The following NAA11 variants were observed in gnomAD, a reference collection of about 807,000 sequenced individuals.
NAA11 encodes the protein N-alpha-acetyltransferase 11, NatA catalytic subunit, also known as N-alpha-acetyltransferase 11.
NAA11 carries 15 observed loss-of-function variants against 16.1 expected under a neutral mutation model. The observed-to-expected ratio is 0.93, with a 90% CI of 0.62 to 1.44. The LOEUF is 1.44. NAA11 is among the 40% of genes most tolerant of loss of function. The pLI is 0.00. For missense variants in NAA11, 298 were observed against 291.3 expected (o/e 1.02, Z -0.17); for synonymous variants, 122 against 112.4 (o/e 1.09, Z -0.54).
intron 2 of NAA11, among the ~76,000 whole-genome samples, chr4:79,247,011 G>A (rs1053396632): frequency 6.6e-6 from 1 of 152,206 alleles, no homozygotes; most frequent in Non-Finnish European, 1.5e-5. Context: ...AGCTGGAGTT[G>A]TAAGTCAAGT....
At chr4:79,296,103 T>C (rs973873565) in intron 1 of NAA11, among the ~76,000 whole-genome samples, 1 of 152,234 alleles carries the variant, frequency 6.6e-6, no homozygotes, top group Non-Finnish European at 1.5e-5. Context: ...ATTACTTCAT[T>C]CTGTGTAATT....
intron 2 of NAA11, among the ~76,000 whole-genome samples, chr4:79,277,503 A>T (rs1020844183): frequency 4.6e-5 from 7 of 152,026 alleles, no homozygotes; most frequent in African/African-American, 7.2e-5. Context: ...TGAATTCTAA[A>T]TTTCTTTTCA....
chr4:79,275,536 G>A (rs1722628920), intron 2 of NAA11, among the ~76,000 whole-genome samples: 1 of 152,040 alleles, frequency 6.6e-6, no homozygotes, highest in African/African-American at 2.4e-5. Context: ...AATGTATAAT[G>A]AGTTCTTCCT....
chr4:79,249,538 GA>G (rs1203266043), intron 2 of NAA11, among the ~76,000 whole-genome samples: 10 of 152,058 alleles, frequency 6.6e-5, no homozygotes. Context: ...CCGGCTCTCT[GA>G]AATAACACAG....
chr4:79,265,528 A>C (rs1326025679), intron 2 of NAA11, among the ~76,000 whole-genome samples: 1 of 152,058 alleles, frequency 6.6e-6, no homozygotes, highest in South Asian at 2.1e-4. Context: ...GCTTACACCT[A>C]TGGGGTATCT....
At chr4:79,273,029 G>C (rs1404170032) in intron 2 of NAA11, among the ~76,000 whole-genome samples, 1 of 151,930 alleles carries the variant, frequency 6.6e-6, no homozygotes, top group African/African-American at 2.4e-5. Context: ...CCCTCAAAGA[G>C]AGAGTTCCAA....
chr4:79,215,772 A>C, the NAA11 span, among the ~76,000 whole-genome samples: 6 of 152,344 alleles, frequency 3.9e-5, no homozygotes, highest in Admixed American at 2.0e-4. Flanking sequence ...CCAAGTAGTC[A>C]AGAACTATAA....
At chr4:79,281,433 A>G (rs920169941) in intron 2 of NAA11, among the ~76,000 whole-genome samples, 1 of 152,036 alleles carries the variant, frequency 6.6e-6, no homozygotes, top group East Asian at 1.9e-4. Flanking sequence ...TTAATTACTT[A>G]GCTAGTAATT....
Position 79,243,754 on chromosome 4 carries a change from G to T in NAA11, c.*123-17484C>A, listed in dbSNP as rs540791365. 8.5e-5 allele frequency among the ~76,000 whole-genome samples: 13 copies of T among 152,278 alleles called. 1 individual carries two copies. The East Asian group carries it at 2.5e-3, about 29-fold the overall frequency. On this transcript the variant is annotated intron_variant and NMD_transcript_variant, in intron 2 of 2. Coordinates refer to the NAA11 transcript ENST00000511542. ...GAGATCGAAGCAAGTTTCAGAGCAG[G>T]AGTGGAAGTTTATTTAAAAGGCCTT...
intron 2 of NAA11, among the ~76,000 whole-genome samples, chr4:79,248,393 C>T (rs372002524): frequency 3.9e-5 from 6 of 152,128 alleles, no homozygotes; most frequent in Non-Finnish European, 8.8e-5. Context: ...CTTCCCTTCC[C>T]CTACCACTGG....
intron 2 of NAA11, among the ~76,000 whole-genome samples, chr4:79,276,501 T>G (rs1306522807): frequency 1.3e-5 from 2 of 152,116 alleles, no homozygotes; most frequent in African/African-American, 4.8e-5. Context: ...ACTTTGTGTC[T>G]CCCATGACAG....
At chr4:79,226,562 A>T (rs1001837974) in intron 2 of NAA11, among the ~76,000 whole-genome samples, 8 of 145,842 alleles carry the variant, frequency 5.5e-5, no homozygotes, top group Non-Finnish European at 1.2e-4. Context: ...ATATCTCCTA[A>T]TGCTATCCCT....
At chr4:79,237,313 A>G (rs1169101561) in intron 2 of NAA11, among the ~76,000 whole-genome samples, 2 of 152,142 alleles carry the variant, frequency 1.3e-5, no homozygotes, top group Non-Finnish European at 2.9e-5. Flanking sequence ...ACACAGTGGT[A>G]TGTATGTGGA....
rs1234104803 is a variant in NAA11, at chr4:79,325,046, G to T, written c.*12+130C>A. 4.0e-6 allele frequency: 3 copies of T among 751,494 alleles called. No individual in the cohort carries two copies. In the East Asian group the frequency reaches 8.1e-5, roughly 20 times the overall value. 46.6% of individuals were successfully genotyped at this position (751,494 alleles called of 1,614,324 possible). ...CAACTCACTCTAACTTCTCCCTAAG[G>T]TCACCAGGTGGTTTTTACCGTAAAA... On this transcript the variant is annotated intron_variant, in intron 1 of 1. Coordinates refer to ENST00000286794, the MANE Select transcript of NAA11 (RefSeq NM_032693.3).
At chr4:79,242,288 A>G (rs1272936020) in intron 2 of NAA11, among the ~76,000 whole-genome samples, 1 of 152,122 alleles carries the variant, frequency 6.6e-6, no homozygotes, top group Non-Finnish European at 1.5e-5. Context: ...TTCCAGCTCT[A>G]GTTCCCTGCC....
the NAA11 span, among the ~76,000 whole-genome samples, chr4:79,196,408 C>A: frequency 6.6e-6 from 1 of 152,002 alleles, no homozygotes; most frequent in African/African-American, 2.4e-5. Context: ...TCTCTTTTAA[C>A]TCTAAGGTAT....
At chr4:79,224,369 A>G (rs1381504292), downstream of NAA11, among the ~76,000 whole-genome samples, 3 of 152,178 alleles carry the variant, frequency 2.0e-5, no homozygotes, top group African/African-American at 7.2e-5. Context: ...TGCTGCTTCA[A>G]TAACATCTAC....
rs962604781 is a variant in NAA11 at position 79,325,738 on chromosome 4, T to A, written c.140A>T (p.Asp47Val). 6.2e-7 allele frequency: 1 copy of A among 1,614,200 alleles called. No individual in the cohort carries two copies. The highest frequency in any genetic ancestry group is 1.3e-5 in the African/African-American group (1 of 75,032). The change falls in exon 1 of 2, where the codon GAT becomes GTT. Residue 47 changes from aspartate to valine, a missense_variant. Asp to Val is a radical substitution (Grantham distance 152, BLOSUM62 -3). Coordinates refer to ENST00000286794, the MANE Select transcript of NAA11 (RefSeq NM_032693.3). Reference sequence around the variant, plus strand: ...ATAGCCCACAATCTTCCCGTCCTCATCCTCAGCGATGTAAGAAAGCTGGGG... The same window carrying A: ...ATAGCCCACAATCTTCCCGTCCTCAACCTCAGCGATGTAAGAAAGCTGGGG... ...SWPQLSYIAE[D>V]EDGKIVGYVL...
intron 2 of NAA11, among the ~76,000 whole-genome samples, chr4:79,277,265 C>T (rs533061116): frequency 6.6e-6 from 1 of 152,170 alleles, no homozygotes; most frequent in Non-Finnish European, 1.5e-5. Context: ...ATTTCCCTCG[C>T]AGCCGTTATA....
Sources: gnomAD v4.1 joint callset for allele counts (sites outside exome capture counted in the v4.1 genomes callset) on GRCh38, gnomAD v4.1.1 for gene constraint, MANE v1.5 for transcripts, NCBI Gene and HGNC (gene_info 2026-07-23, HGNC 2026-07-21) for gene names.